Variants in TNS3 observed in about 807,000 individuals in gnomAD.
TNS3 encodes tensin-3.
A neutral mutation model predicts 140.9 loss-of-function variants in TNS3; 45 were observed. That is an observed-to-expected ratio of 0.32 (90% CI 0.25 to 0.41). The LOEUF (loss-of-function observed/expected upper bound fraction) is 0.41, where lower values mean the gene tolerates loss of function less well. Among genes scored for constraint, TNS3 ranks in the 10% least tolerant of loss-of-function variants. The probability of loss-of-function intolerance (pLI) is 1.00; values close to 1 mark genes in which losing one functional copy is unlikely to be tolerated. For synonymous variants in TNS3, 815 were observed against 788.4 expected (o/e 1.03, Z -0.56); for missense variants, 1,716 against 1,906.7 (o/e 0.90, Z 1.86).
intron 10 of TNS3, among the ~76,000 whole-genome samples, chr7:47,419,612 C>A (rs985453022): frequency 3.9e-5 from 6 of 152,226 alleles, no homozygotes; most frequent in Admixed American, 2.0e-4. Flanking sequence ...GGCTTGAATT[C>A]TGCCAAGGTA....
At chr7:47,451,262 C>T (rs181216647) in intron 4 of TNS3, among the ~76,000 whole-genome samples, 1 of 152,272 alleles carries the variant, frequency 6.6e-6, no homozygotes, top group Admixed American at 6.5e-5. Context: ...GCCCTGAAAA[C>T]TAGCAGTGTA....
intron 4 of TNS3, among the ~76,000 whole-genome samples, chr7:47,476,499 A>C (rs1797199031): frequency 6.6e-6 from 1 of 152,226 alleles, no homozygotes; most frequent in Non-Finnish European, 1.5e-5. Context: ...AGAAGACCAC[A>C]GCCCATAGAA....
chr7:47,545,843 G>C (rs1246330784), intron 1 of TNS3, among the ~76,000 whole-genome samples: 1 of 152,172 alleles, frequency 6.6e-6, no homozygotes, highest in African/African-American at 2.4e-5. Flanking sequence ...AGCCAACACT[G>C]CTCCTCAAAT....
intron 17 of TNS3, among the ~76,000 whole-genome samples, chr7:47,356,477 A>T (rs961023335): frequency 6.6e-6 from 1 of 152,198 alleles, no homozygotes; most frequent in Non-Finnish European, 1.5e-5. Flanking sequence ...TGGAGGTAGA[A>T]GCAGGTACCC....
At chr7:47,578,014 T>TA (rs575331402) in intron 1 of TNS3, among the ~76,000 whole-genome samples, 697 of 137,194 alleles carry the variant, frequency 5.1e-3, no homozygotes, top group South Asian at 0.016. Flanking sequence ...TACTGCCTTC[T>TA]AAAAAAAAAA....
At chr7:47,346,388 C>G (rs369625553) in intron 17 of TNS3, 32 bp from the exon 18 acceptor site, 2 of 1,611,062 alleles carry the variant, frequency 1.2e-6, no homozygotes, top group African/African-American at 2.7e-5. Context: ...GGCTGCAGGG[C>G]GCTTCCTCAA....
rs1169242039 is a variant in TNS3, at chr7:47,530,804, C to T, written c.-264-1657G>A. 3.7e-4 allele frequency among the ~76,000 whole-genome samples: 29 copies of T among 77,756 alleles called. No individual in the cohort carries two copies. The Admixed American group carries it at 4.1e-3, about 11-fold the overall frequency. The allele number at this position is 77,756 out of a possible 152,430, so 51.0% of individuals were successfully genotyped here. On this transcript the variant is annotated intron_variant, in intron 1 of 30. Transcript: ENST00000311160. The stretch of plus-strand genomic sequence containing the variant: ...CGCCATTGCACTCCAGCCTGGGCAA[C>T]AAGAGTGAAACTCCATCTCAAAAAA...
chr7:47,542,200 C>T (rs1799807441), intron 1 of TNS3, among the ~76,000 whole-genome samples: 1 of 152,166 alleles, frequency 6.6e-6, no homozygotes, highest in African/African-American at 2.4e-5. Context: ...ACAGAGAAAG[C>T]TTCAGTCTCC....
At chr7:47,563,552 C>A (rs778759230) in intron 1 of TNS3, among the ~76,000 whole-genome samples, 1 of 152,168 alleles carries the variant, frequency 6.6e-6, no homozygotes, top group Non-Finnish European at 1.5e-5. Context: ...TGGGGAGATC[C>A]AATCTCACCC....
chr7:47,447,246 A>ATG lies in TNS3; in HGVS notation c.-75-5192_-75-5191insCA, dbSNP rs1491236781. Among the ~76,000 whole-genome samples the ATG allele has an allele frequency of 9.9e-5, 12 of 120,920 alleles. No homozygotes were observed. In the South Asian group the frequency reaches 3.4e-3, roughly 34 times the overall value. The allele number at this position is 120,920 out of a possible 152,430, so 79.3% of individuals were successfully genotyped here. ...GCCTGGAGGGTCATTCTGGTTCCAC[A>ATG]TATGTTTGTTTGTTTGTTTGTTTGT... On this transcript the variant is annotated intron_variant, in intron 4 of 30. Coordinates refer to ENST00000311160, the MANE Select transcript of TNS3 (RefSeq NM_022748.12).
intron 16 of TNS3, among the ~76,000 whole-genome samples, chr7:47,382,514 T>C (rs1791831009): frequency 6.6e-6 from 1 of 152,202 alleles, no homozygotes; most frequent in Admixed American, 6.5e-5. Flanking sequence ...TTTTGAAGCT[T>C]TGCTGATGTT....
chr7:47,537,410 C>T (rs1272069117), intron 1 of TNS3, among the ~76,000 whole-genome samples: 3 of 152,124 alleles, frequency 2.0e-5, no homozygotes, highest in Non-Finnish European at 4.4e-5. Flanking sequence ...GCCCTCCCTC[C>T]CCCGCCCGCC....
chr7:47,330,350 T>C (rs1240244791), intron 20 of TNS3, among the ~76,000 whole-genome samples: 1 of 152,220 alleles, frequency 6.6e-6, no homozygotes, highest in African/African-American at 2.4e-5. Flanking sequence ...TCAGGCCCTT[T>C]GCAGGCATGA....
intron 26 of TNS3, 115 bp downstream of exon 26, chr7:47,292,713 G>GA: frequency 1.1e-6 from 1 of 942,772 alleles, no homozygotes. Context: ...AAGAGAATAC[G>GA]AAAAAACTTC....
At chr7:47,475,213 G>C (rs1425421189) in intron 4 of TNS3, among the ~76,000 whole-genome samples, 1 of 152,240 alleles carries the variant, frequency 6.6e-6, no homozygotes, top group Non-Finnish European at 1.5e-5. Context: ...CCAGCCTCAG[G>C]CTGAAATGTG....
intron 16 of TNS3, among the ~76,000 whole-genome samples, chr7:47,389,937 T>C (rs1427586806): frequency 6.6e-6 from 1 of 152,176 alleles, no homozygotes; most frequent in Non-Finnish European, 1.5e-5. Flanking sequence ...ACAGCTGCTT[T>C]TCACTGGAGC....
chr7:47,282,606 C>T (rs1295749828), intron 28 of TNS3, among the ~76,000 whole-genome samples: 1 of 152,160 alleles, frequency 6.6e-6, no homozygotes, highest in Non-Finnish European at 1.5e-5. Context: ...TGCTGAGTGC[C>T]CTTTTCATTT....
intron 20 of TNS3, among the ~76,000 whole-genome samples, chr7:47,328,871 C>G (rs1788177321): frequency 6.6e-6 from 1 of 152,246 alleles, no homozygotes; most frequent in Non-Finnish European, 1.5e-5. Flanking sequence ...ATCCCTCAGC[C>G]TGTTCTGCCT....
At chr7:47,441,962 A>G (rs1303146141) in intron 5 of TNS3, 41 bp downstream of exon 5, 5 of 1,276,080 alleles carry the variant, frequency 3.9e-6, no homozygotes, top group Admixed American at 2.3e-5. Context: ...GCTGACCTAC[A>G]GCCAGAGACA....
Sources: gnomAD v4.1 joint callset for allele counts (sites outside exome capture counted in the v4.1 genomes callset) on GRCh38, gnomAD v4.1.1 for gene constraint, MANE v1.5 for transcripts, NCBI Gene and HGNC (gene_info 2026-07-23, HGNC 2026-07-21) for gene names.